Variants in PCDHGA3 observed in about 807,000 individuals in gnomAD.
PCDHGA3 encodes the protein protocadherin gamma subfamily A, 3.
PCDHGA3 carries 40 observed loss-of-function variants against 58.5 expected under a neutral mutation model. That is an observed-to-expected ratio of 0.68 (90% CI 0.53 to 0.89). The LOEUF (loss-of-function observed/expected upper bound fraction) is 0.89. Ranked by LOEUF, PCDHGA3 falls within the 40% of genes least tolerant of loss-of-function variation. The pLI is 0.00. For missense variants in PCDHGA3, 1,223 were observed against 1,195.9 expected (o/e 1.02, Z -0.33); for synonymous variants, 530 against 525.7 (o/e 1.01, Z -0.11).
intron 1 of PCDHGA3, chr5:141,409,246 C>A (rs771759898): frequency 1.2e-6 from 2 of 1,614,032 alleles, no homozygotes; most frequent in Admixed American, 3.3e-5. Context: ...CAGAAATAAT[C>A]ATCACTTCTC....
rs368371918 is a variant in PCDHGA3 at position 141,432,800 on chromosome 5, C to G, written c.2425-62007C>G. Reference sequence around the variant, plus strand: ...GGCGGACCTCGGCAGCCTCGAGTCTCCAGCTAACTCTGAAACCTCAGACCT... The same window carrying G: ...GGCGGACCTCGGCAGCCTCGAGTCTGCAGCTAACTCTGAAACCTCAGACCT... On this transcript the variant is annotated intron_variant, in intron 1 of 3. Coordinates refer to ENST00000253812, the MANE Select transcript of PCDHGA3 (RefSeq NM_018916.4). This position sits in a 1 kb window ranked among gnomAD's most constrained non-coding sequence, Gnocchi z 6.0. The G allele has an allele frequency of 9.9e-6, 16 of 1,614,038 alleles. No individual in the cohort carries two copies. Among genetic ancestry groups the G allele is most frequent in the Non-Finnish European group, 1.3e-5 (15 of 1,180,016 alleles).
rs1768955352 is a variant in PCDHGA3, at chr5:141,372,667, C to T, written c.2424+26210C>T. 1.9e-6 allele frequency: 3 copies of T among 1,613,922 alleles called. No homozygotes were observed. In the African/African-American group the frequency reaches 4.0e-5, roughly 22 times the overall value. On this transcript the variant is annotated intron_variant, in intron 1 of 3. Transcript: ENST00000253812. Reference sequence around the variant, plus strand: ...TATTCCTACAATCCGTGTGCTGCCTCACATTCCTCAAACACCGAGTTTAAA... The same window carrying T: ...TATTCCTACAATCCGTGTGCTGCCTTACATTCCTCAAACACCGAGTTTAAA...
chr5:141,408,055 C>T lies in PCDHGA3; in HGVS notation c.2424+61598C>T, dbSNP rs1012762205. 35 of 1,299,012 alleles carry T rather than the reference C, an allele frequency of 2.7e-5. No homozygotes were observed. In the South Asian group the frequency reaches 3.8e-4, roughly 14 times the overall value. 80.5% of individuals were successfully genotyped at this position (1,299,012 alleles called of 1,614,324 possible). On this transcript the variant is annotated intron_variant, in intron 1 of 3. Coordinates refer to ENST00000253812, the MANE Select transcript of PCDHGA3 (RefSeq NM_018916.4). ...AAAACCAGCTCCCACACAGAGCCTCCCGGCTGCGCAGACCTTTCCCAGCAC... is the reference window on the plus strand; with the variant it reads ...AAAACCAGCTCCCACACAGAGCCTCTCGGCTGCGCAGACCTTTCCCAGCAC...
chr5:141,403,632 G>A (rs759489331), intron 1 of PCDHGA3: 2 of 1,613,916 alleles, frequency 1.2e-6, no homozygotes, highest in Admixed American at 1.7e-5. Context: ...AGCACAGTGC[G>A]CATCCATGTG....
chr5:141,448,621 T>C (rs2098597629), intron 1 of PCDHGA3, among the ~76,000 whole-genome samples: 1 of 152,168 alleles, frequency 6.6e-6, no homozygotes, highest in Admixed American at 6.5e-5. Flanking sequence ...TATATCTTCC[T>C]TTCTTCACAT....
At chr5:141,389,036 G>A in intron 1 of PCDHGA3, 1 of 1,613,928 alleles carries the variant, frequency 6.2e-7, no homozygotes, top group Non-Finnish European at 8.5e-7. Flanking sequence ...CTTGTAAATT[G>A]GAAGGTGATG....
chr5:141,387,555 A>G (rs1236867307), intron 1 of PCDHGA3: 10 of 410,246 alleles, frequency 2.4e-5, no homozygotes, highest in Non-Finnish European at 4.3e-5. Flanking sequence ...TCTTTCAGTT[A>G]GGCACACAAT....
At chr5:141,482,033 C>G (rs1185284483) in intron 1 of PCDHGA3, among the ~76,000 whole-genome samples, 1 of 149,194 alleles carries the variant, frequency 6.7e-6, no homozygotes, top group African/African-American at 2.5e-5. Flanking sequence ...TGCAGTGAGC[C>G]AAGATCATGC....
intron 1 of PCDHGA3, chr5:141,408,965 C>A: frequency 3.1e-6 from 5 of 1,613,806 alleles, no homozygotes; most frequent in Non-Finnish European, 4.2e-6. Flanking sequence ...TAGTGAAAAT[C>A]TGCCCCCTGG....
chr5:141,366,205 G>T (rs1203198525), intron 1 of PCDHGA3: 2 of 1,613,726 alleles, frequency 1.2e-6, no homozygotes, highest in Non-Finnish European at 1.7e-6. Flanking sequence ...ACACGGGCGA[G>T]GTGCGCACAG....
chr5:141,419,465 G>T, intron 1 of PCDHGA3: 2 of 1,612,542 alleles, frequency 1.2e-6, no homozygotes, highest in Non-Finnish European at 1.7e-6. Context: ...GCAGGCCCGC[G>T]ACCAGGGCTC....
At chr5:141,388,201 T>C (rs780011607) in intron 1 of PCDHGA3, 1 of 1,573,864 alleles carries the variant, frequency 6.4e-7, no homozygotes, top group Non-Finnish European at 8.7e-7. Context: ...GCTCTGGAAT[T>C]TGAGGCTGTT....
chr5:141,478,259 T>A lies in PCDHGA3; in HGVS notation c.2425-16548T>A, dbSNP rs534973741. ...GGTCACAGTGTTCGGAGTAATCATA[T>A]TCAAAGTTTACAAGTGGAAGCAGTC... On this transcript the variant is annotated intron_variant, in intron 1 of 3. Transcript: ENST00000253812. 3.2e-5 allele frequency: 52 copies of A among 1,614,064 alleles called. No individual in the cohort carries two copies. The highest frequency in any genetic ancestry group is 4.4e-5 in the Non-Finnish European group (52 of 1,180,048).
chr5:141,346,416 C>G lies in PCDHGA3; in HGVS notation c.2383C>G (p.Gln795Glu). ...GAAAAGCGAGCCTCTTCTGATAACT[C>G]AGGATTTACTTGAAATGAAAGGAGA... The part of the protein sequence containing the change: ...CEKSEPLLIT[Q>E]DLLEMKGDSN... Residue 795 changes from glutamine to glutamate, a missense_variant, in exon 1 of 4, where the codon CAG becomes GAG. Physicochemically the swap from Gln to Glu is conservative, Grantham distance 29. Around this residue, in one of 3 missense-constraint regions of PCDHGA3, gnomAD observed 325 missense variants for 327.5 expected, o/e 0.99. Coordinates refer to ENST00000253812, the MANE Select transcript of PCDHGA3 (RefSeq NM_018916.4). The G allele has an allele frequency of 6.2e-7, 1 of 1,614,234 alleles. No homozygotes were observed. The highest frequency in any genetic ancestry group is 1.1e-5 in the South Asian group (1 of 91,090).
intron 1 of PCDHGA3, chr5:141,399,447 C>CAT: frequency 6.2e-7 from 1 of 1,614,006 alleles, no homozygotes; most frequent in Non-Finnish European, 8.5e-7. Flanking sequence ...ATATCAGAGA[C>CAT]GTCAACGATA....
intron 1 of PCDHGA3, chr5:141,433,257 G>T: frequency 7.2e-7 from 1 of 1,385,416 alleles, no homozygotes; most frequent in Non-Finnish European, 9.9e-7. Context: ...GCAGCGGTAC[G>T]ATCATAGCTC....
At chr5:141,382,174 T>C (rs565518933) in intron 1 of PCDHGA3, among the ~76,000 whole-genome samples, 1 of 152,302 alleles carries the variant, frequency 6.6e-6, no homozygotes, top group African/African-American at 2.4e-5. Context: ...TTAGACCGTC[T>C]CTAAGGTTCT....
At chr5:141,459,149 T>C (rs2098961903) in intron 1 of PCDHGA3, among the ~76,000 whole-genome samples, 1 of 152,234 alleles carries the variant, frequency 6.6e-6, no homozygotes, top group Non-Finnish European at 1.5e-5. Context: ...AATCAAAATA[T>C]AGAACATTTC....
rs752171326 is a variant in PCDHGA3 at position 141,395,310 on chromosome 5, A to C, written c.2424+48853A>C. The stretch of plus-strand genomic sequence containing the variant: ...TGGCATAAATTATGTTTTGAAAAAC[A>C]TTGTGAAGATAGTTGAAAATAATTT... On this transcript the variant is annotated intron_variant, in intron 1 of 3. Transcript: ENST00000253812. The C allele has an allele frequency of 3.3e-6, 5 of 1,502,410 alleles. No homozygotes were observed. In the East Asian group the frequency reaches 1.1e-4, roughly 34 times the overall value. 93.1% of individuals were successfully genotyped at this position (1,502,410 alleles called of 1,614,324 possible).
Sources: allele counts gnomAD v4.1 joint callset (sites outside exome capture counted in the v4.1 genomes callset), GRCh38; gene constraint gnomAD v4.1.1; regional missense constraint gnomAD v4.1.1; non-coding constraint Gnocchi (gnomAD v3.1); transcripts MANE v1.5; gene names NCBI Gene and HGNC (gene_info 2026-07-23, HGNC 2026-07-21).